The following CAMSAP3 variants were observed in gnomAD, a reference collection of about 807,000 sequenced individuals.
CAMSAP3 encodes the protein calmodulin-regulated spectrin-associated protein 3.
Under a neutral mutation model 112.5 loss-of-function variants are expected in CAMSAP3, and 34 were observed. The observed-to-expected ratio is 0.30, with a 90% CI of 0.23 to 0.40. CAMSAP3 has a LOEUF of 0.40. Among genes scored for constraint, CAMSAP3 ranks in the 10% least tolerant of loss-of-function variants. CAMSAP3 has a pLI of 1.00. For synonymous variants in CAMSAP3, 868 were observed against 799.8 expected (o/e 1.09, Z -1.44); for missense variants, 1,602 against 1,770.3 (o/e 0.90, Z 1.71).
At chr19:7,604,795 G>A (rs1323239983) in intron 1 of CAMSAP3, among the ~76,000 whole-genome samples, 1 of 152,194 alleles carries the variant, frequency 6.6e-6, no homozygotes, top group Admixed American at 6.5e-5. Context: ...ATTGGGCCCT[G>A]GCTGCCTCCT....
Position 7,612,263 on chromosome 19 carries a change from G to A in CAMSAP3, c.1770G>A (p.Pro590=). ...GAGCGGGGTCCCCCACGTCCACTCC[G>A]GCCCCGCCGGAGGCCCTGAGCTCGG... ...EAGAGSPTST[P]APPEALSSEM... is the part of the protein sequence containing the mutation. Residue 590 remains proline (P), a synonymous_variant, in exon 11 of 17, where the codon CCG becomes CCA. Coordinates refer to ENST00000160298, the MANE Select transcript of CAMSAP3 (RefSeq NM_020902.2). 6.3e-7 allele frequency: 1 copy of A among 1,592,356 alleles called. No individual in the cohort carries two copies. Among genetic ancestry groups the A allele is most frequent in the East Asian group, 2.3e-5 (1 of 43,622 alleles).
intron 1 of CAMSAP3, among the ~76,000 whole-genome samples, chr19:7,603,185 C>G (rs1188849823): frequency 6.6e-6 from 1 of 151,616 alleles, no homozygotes; most frequent in African/African-American, 2.4e-5. Context: ...AACCCCTTAC[C>G]CTGTTCTTTC....
At position 7,618,266 on chromosome 19, in the gene CAMSAP3, G is replaced by A. The variant is rs2030920361; in HGVS notation, c.*209G>A. The A allele has an allele frequency of 1.8e-6, 1 of 569,194 alleles. No individual in the cohort carries two copies. 35.3% of individuals were successfully genotyped at this position (569,194 alleles called of 1,614,324 possible). Reference sequence around the variant, plus strand: ...AGGGCTCAGCTCAGTCCCCTTGTCTGTCCTCCCCCACTTCTTGAATAAAAT... The same window carrying A: ...AGGGCTCAGCTCAGTCCCCTTGTCTATCCTCCCCCACTTCTTGAATAAAAT... On this transcript the variant is annotated 3_prime_UTR_variant, in exon 17 of 17. Coordinates refer to ENST00000160298, the MANE Select transcript of CAMSAP3 (RefSeq NM_020902.2).
At position 7,611,379 on chromosome 19, in the gene CAMSAP3, A is replaced by T; in HGVS notation, c.1124-138A>T. ...ATGGCCCCGGGTATCTGTTTCTGGA[A>T]ACCTCTGGTCTCACTAGACCACATA... is the stretch of plus-strand genomic sequence containing the variant. On this transcript the variant is annotated intron_variant, in intron 9 of 16. Coordinates refer to ENST00000160298, the MANE Select transcript of CAMSAP3 (RefSeq NM_020902.2). This position sits in a 1 kb window ranked among gnomAD's most constrained non-coding sequence, Gnocchi z 6.9. 1 of 942,842 alleles carries T rather than the reference A, an allele frequency of 1.1e-6. No individual in the cohort carries two copies. Among genetic ancestry groups the T allele is most frequent in the Non-Finnish European group, 1.6e-6 (1 of 632,978 alleles). 58.4% of individuals were successfully genotyped at this position (942,842 alleles called of 1,614,324 possible).
intron 14 of CAMSAP3, among the ~76,000 whole-genome samples, chr19:7,616,948 T>TTTG (rs1555763678): frequency 1.8e-5 from 2 of 113,286 alleles, no homozygotes; most frequent in African/African-American, 3.0e-5. Flanking sequence ...TTTTTTTTTT[T>TTTG]TTTTTTTTTT....
chr19:7,606,593 G>A (rs764441255), intron 4 of CAMSAP3, 22 bp downstream of exon 4: 15 of 1,519,330 alleles, frequency 9.9e-6, no homozygotes, highest in South Asian at 7.3e-5. Context: ...GCATAGAACC[G>A]TCAGAAGGAT....
At chr19:7,616,930 C>T (rs1267013604) in intron 14 of CAMSAP3, among the ~76,000 whole-genome samples, 2 of 131,972 alleles carry the variant, frequency 1.5e-5, no homozygotes, top group African/African-American at 3.1e-5. Context: ...TGTGTGTGGC[C>T]CGCCTTTTTT....
At position 7,615,615 on chromosome 19, in the gene CAMSAP3, C is replaced by A; in HGVS notation, c.3008C>A (p.Ala1003Glu). Reference sequence around the variant, plus strand: ...GATAAGGTGCTGCGGCCCCGGGCTGCGGGGTCCGGGGGTCCAGGTCGGGGC... The same window carrying A: ...GATAAGGTGCTGCGGCCCCGGGCTGAGGGGTCCGGGGGTCCAGGTCGGGGC... ...DLDKVLRPRAAGSGGPGRGGR... is the reference protein window; with the variant it reads ...DLDKVLRPRAEGSGGPGRGGR... Residue 1003 changes from alanine to glutamate, a missense_variant, in exon 13 of 17, where the codon GCG (alanine) becomes GAG (glutamate). Around this residue, in one of 6 missense-constraint regions of CAMSAP3, gnomAD observed 1,100 missense variants for 1,135.7 expected, o/e 0.97. Transcript: ENST00000160298. The surrounding 1 kb of genome is among the most constrained non-coding windows in gnomAD (Gnocchi z 6.5). 6.9e-7 allele frequency: 1 copy of A among 1,455,410 alleles called. No individual in the cohort carries two copies. 90.2% of individuals were successfully genotyped at this position (1,455,410 alleles called of 1,614,324 possible). A position where few individuals can be genotyped will look rare whatever the true frequency, so the allele number is the denominator to read the frequency against.
Position 7,610,155 on chromosome 19 carries a change from A to G in CAMSAP3, c.761-321A>G, listed in dbSNP as rs905855528. ...AACACGGTGAAACCCCATCTCTACT[A>G]AAACCACAAAAAATTAGCCTGGTGT... On this transcript the variant is annotated intron_variant, in intron 5 of 16. Transcript: ENST00000160298. This position sits in a 1 kb window ranked among gnomAD's most constrained non-coding sequence, Gnocchi z 4.9. Among the ~76,000 whole-genome samples the G allele has an allele frequency of 6.6e-6, 1 of 152,000 alleles. No homozygotes were observed. Among genetic ancestry groups the G allele is most frequent in the African/African-American group, 2.4e-5 (1 of 41,354 alleles).
chr19:7,607,782 A>ACCCCTCCC lies in CAMSAP3; in HGVS notation c.622-341_622-334dup, dbSNP rs2030293383. ...GGGCTTGGGGGCCCAGCAGGTCAGCACCCCTCCCCCTTGCTGATGGCTGCT... is the reference window on the plus strand; with the variant it reads ...GGGCTTGGGGGCCCAGCAGGTCAGCACCCCTCCCCCCCTCCCCCTTGCTGATGGCTGCT... On this transcript the variant is annotated intron_variant, in intron 4 of 16. Coordinates refer to ENST00000160298, the MANE Select transcript of CAMSAP3 (RefSeq NM_020902.2). The surrounding 1 kb of genome is among the most constrained non-coding windows in gnomAD (Gnocchi z 4.9). 1.3e-6 allele frequency: 1 copy of ACCCCTCCC among 768,956 alleles called. No individual in the cohort carries two copies. Among genetic ancestry groups the ACCCCTCCC allele is most frequent in the Non-Finnish European group, 2.1e-6 (1 of 478,738 alleles). 47.6% of individuals were successfully genotyped at this position (768,956 alleles called of 1,614,324 possible).
rs764415367 is a variant in CAMSAP3 at position 7,617,430 on chromosome 19, A to G, written c.3317A>G (p.Glu1106Gly). Residue 1106 changes from glutamate to glycine, a missense_variant, in exon 15 of 17, where the codon GAG becomes GGG. Around this residue, in one of 6 missense-constraint regions of CAMSAP3, gnomAD observed 150 missense variants for 207.6 expected, o/e 0.72. Coordinates refer to ENST00000160298, the MANE Select transcript of CAMSAP3 (RefSeq NM_020902.2). The surrounding 1 kb of genome is among the most constrained non-coding windows in gnomAD (Gnocchi z 7.5). The part of the protein sequence containing the change: ...SNASSPASVP[E>G]YTGPRLYKEP... The stretch of plus-strand genomic sequence containing the variant: ...GCCTCCTCCCCAGCGTCAGTGCCCG[A>G]GTACACAGGTAAGCAGGGGCTCTGG... The G allele has an allele frequency of 8.1e-6, 13 of 1,613,748 alleles. No homozygotes were observed. The highest frequency in any genetic ancestry group is 5.0e-5 in the Admixed American group (3 of 60,002).
rs754146465 is a variant in CAMSAP3 at position 7,610,441 on chromosome 19, A to G, written c.761-35A>G. Reference sequence around the variant, plus strand: ...TCCCTGGGGCCCCATCCTCCTCCTCATAGAGTTGGGGACCCACTCCTCCTG... The same window carrying G: ...TCCCTGGGGCCCCATCCTCCTCCTCGTAGAGTTGGGGACCCACTCCTCCTG... On this transcript the variant is annotated intron_variant, in intron 5 of 16. Coordinates refer to ENST00000160298, the MANE Select transcript of CAMSAP3 (RefSeq NM_020902.2). This position sits in a 1 kb window ranked among gnomAD's most constrained non-coding sequence, Gnocchi z 4.9. 1.3e-6 allele frequency: 2 copies of G among 1,579,316 alleles called. No homozygotes were observed. The highest frequency in any genetic ancestry group is 2.3e-5 in the South Asian group (2 of 85,576).
At chr19:7,606,141 G>A in intron 2 of CAMSAP3, 130 bp from the exon 3 acceptor site, 24 of 117,094 alleles carry the variant, frequency 2.0e-4, no homozygotes, top group South Asian at 7.6e-4. Flanking sequence ...CACTGGCCCC[G>A]CCCCCTCAAG....
chr19:7,597,764 C>T (rs2024469824), intron 1 of CAMSAP3, among the ~76,000 whole-genome samples: 1 of 152,184 alleles, frequency 6.6e-6, no homozygotes, highest in Non-Finnish European at 1.5e-5. Context: ...TATCCATTAT[C>T]CCCTGGCCAG....
intron 1 of CAMSAP3, among the ~76,000 whole-genome samples, chr19:7,601,374 C>T (rs949706255): frequency 4.6e-5 from 7 of 151,908 alleles, no homozygotes; most frequent in Admixed American, 2.0e-4. Flanking sequence ...GCTGGAGTGC[C>T]GGGGCACAAT....
chr19:7,608,043 C>G, intron 4 of CAMSAP3, 83 bp from the exon 5 acceptor site: 1 of 1,536,124 alleles, frequency 6.5e-7, no homozygotes, highest in Non-Finnish European at 8.9e-7. Flanking sequence ...TGGCGGAAAC[C>G]CCAGGCCTCC....
At chr19:7,603,522 C>T (rs2030063357) in intron 1 of CAMSAP3, among the ~76,000 whole-genome samples, 1 of 152,036 alleles carries the variant, frequency 6.6e-6, no homozygotes, top group Admixed American at 6.6e-5. Flanking sequence ...GCCCCCACCC[C>T]GTTCTTTCAA....
intron 1 of CAMSAP3, among the ~76,000 whole-genome samples, chr19:7,596,867 G>A (rs1214111345): frequency 6.6e-6 from 1 of 152,168 alleles, no homozygotes; most frequent in Non-Finnish European, 1.5e-5. Flanking sequence ...TCCCGGCTGC[G>A]GGGCCTTCTC....
intron 1 of CAMSAP3, among the ~76,000 whole-genome samples, chr19:7,596,696 CG>C (rs1353401640): frequency 6.6e-6 from 1 of 151,660 alleles, no homozygotes; most frequent in Non-Finnish European, 1.5e-5. Context: ...GGCCGCGCTG[CG>C]GGCGGCGACC....
Sources: gnomAD v4.1 joint callset for allele counts (sites outside exome capture counted in the v4.1 genomes callset) on GRCh38, gnomAD v4.1.1 for gene constraint, gnomAD v4.1.1 regional missense constraint, Gnocchi (gnomAD v3.1) non-coding constraint, MANE v1.5 for transcripts, NCBI Gene and HGNC (gene_info 2026-07-23, HGNC 2026-07-21) for gene names.